The following GMDS variants were observed in gnomAD, a reference collection of about 807,000 sequenced individuals.
GMDS encodes GDP-mannose 4,6-dehydratase.
In GMDS, 20 loss-of-function variants were observed where a neutral mutation model predicts 49.9. The observed-to-expected ratio is 0.40, with a 90% CI of 0.28 to 0.58. GMDS has a LOEUF of 0.58. Ranked by LOEUF, GMDS falls within the 20% of genes least tolerant of loss-of-function variation. GMDS has a pLI of 0.42. For synonymous variants in GMDS, 177 were observed against 178.6 expected, an observed-to-expected ratio of 0.99 and a Z score of 0.07; for missense variants, 362 against 481.4, an observed-to-expected ratio of 0.75 and a Z score of 2.32.
At chr6:1,896,714 T>C (rs1760213781) in intron 7 of GMDS, among the ~76,000 whole-genome samples, 1 of 152,112 alleles carries the variant, frequency 6.6e-6, no homozygotes, top group South Asian at 2.1e-4. Flanking sequence ...AACAAAGGAA[T>C]ACATGGGCAG....
chr6:2,240,601 C>CAAAAAAAAAA (rs57052982), intron 1 of GMDS, among the ~76,000 whole-genome samples: 6 of 84,058 alleles, frequency 7.1e-5, no homozygotes, highest in African/African-American at 1.1e-4. Flanking sequence ...AAGACTGTCT[C>CAAAAAAAAAA]AAAAAAAAAA....
At position 1,782,908 on chromosome 6, in the gene GMDS, C is replaced by A. The variant is rs73409321; in HGVS notation, c.772-40322G>T. Reference sequence around the variant, plus strand: ...GTGGCTCATGCCTGTAATCCCAAAACTTTCGGAGGCTGAGGTGGGAGGATT... The same window carrying A: ...GTGGCTCATGCCTGTAATCCCAAAAATTTCGGAGGCTGAGGTGGGAGGATT... On this transcript the variant is annotated intron_variant, in intron 7 of 10. Transcript: ENST00000380815. Among the ~76,000 whole-genome samples the A allele has an allele frequency of 5.2e-3, 786 of 152,248 alleles. 4 individuals carry two copies. The highest frequency in any genetic ancestry group is 0.018 in the African/African-American group (738 of 41,542).
At position 1,785,715 on chromosome 6, in the gene GMDS, G is replaced by C. The variant is rs532948004; in HGVS notation, c.772-43129C>G. On this transcript the variant is annotated intron_variant, in intron 7 of 10. Transcript: ENST00000380815. ...CCCAGCATCCTCGGCAGGGAAGGAG[G>C]CTCCATCTCCTGATGGGGGTAGCAA... Among the ~76,000 whole-genome samples, 3 of 152,326 alleles carry C rather than the reference G, an allele frequency of 2.0e-5. No homozygotes were observed. In the South Asian group the frequency reaches 6.2e-4, roughly 32 times the overall value.
chr6:1,825,492 C>T (rs1042533121), intron 7 of GMDS, among the ~76,000 whole-genome samples: 9 of 152,184 alleles, frequency 5.9e-5, no homozygotes, highest in Non-Finnish European at 1.3e-4. Context: ...GAAACACATT[C>T]TGAGAAATGT....
In GMDS at chr6:1,969,131, A is replaced by G. The variant is rs571642447; in HGVS notation, c.346-8165T>C. 5.3e-5 allele frequency among the ~76,000 whole-genome samples: 8 copies of G among 151,432 alleles called. No individual in the cohort carries two copies. The East Asian group carries it at 1.4e-3, about 26-fold the overall frequency. On this transcript the variant is annotated intron_variant, in intron 4 of 10. Transcript: ENST00000380815. ...AAAAAAATTAGCTGGGCATGGTGGCAGGTGCCTGTAGTCCCAGCTGCTTGG... is the reference window on the plus strand; with the variant it reads ...AAAAAAATTAGCTGGGCATGGTGGCGGGTGCCTGTAGTCCCAGCTGCTTGG...
intron 9 of GMDS, among the ~76,000 whole-genome samples, chr6:1,636,090 G>A (rs926191236): frequency 1.3e-5 from 2 of 152,206 alleles, no homozygotes; most frequent in African/African-American, 2.4e-5. Flanking sequence ...GATGAGATCC[G>A]CGTGCCACGA....
chr6:1,941,268 A>G (rs1315530715), intron 6 of GMDS, among the ~76,000 whole-genome samples: 2 of 152,138 alleles, frequency 1.3e-5, no homozygotes, highest in African/African-American at 4.8e-5. Flanking sequence ...CTATTTATGT[A>G]TGGATGATAT....
chr6:2,230,177 C>T (rs1234362542), intron 1 of GMDS, among the ~76,000 whole-genome samples: 1 of 152,180 alleles, frequency 6.6e-6, no homozygotes, highest in Non-Finnish European at 1.5e-5. Flanking sequence ...CAAATCCAAA[C>T]GTTAAGCATT....
chr6:2,098,995 A>AT (rs1444486820), intron 4 of GMDS, among the ~76,000 whole-genome samples: 1 of 151,938 alleles, frequency 6.6e-6, no homozygotes, highest in Non-Finnish European at 1.5e-5. Flanking sequence ...ACTTTTAACT[A>AT]TTTTTTTTCT....
intron 1 of GMDS, among the ~76,000 whole-genome samples, chr6:2,209,032 C>T (rs1477812245): frequency 6.6e-6 from 1 of 152,016 alleles, no homozygotes; most frequent in Non-Finnish European, 1.5e-5. Flanking sequence ...GTTTTGGATC[C>T]CCACCTCCTT....
At chr6:1,630,369 C>T (rs1174544942) in intron 9 of GMDS, among the ~76,000 whole-genome samples, 1 of 152,208 alleles carries the variant, frequency 6.6e-6, no homozygotes, top group East Asian at 1.9e-4. Context: ...CCAGACCAGG[C>T]GGTTGCCCTG....
At chr6:2,237,154 A>G (rs994567809) in intron 1 of GMDS, among the ~76,000 whole-genome samples, 2 of 152,226 alleles carry the variant, frequency 1.3e-5, no homozygotes, top group Non-Finnish European at 2.9e-5. Context: ...TCAATTCTAC[A>G]TAAGTAAATG....
rs1450856886 is a variant in GMDS at position 1,939,604 on chromosome 6, CACAT to C, written c.644-9378_644-9375del. On this transcript the variant is annotated intron_variant, in intron 6 of 10. Transcript: ENST00000380815. ...ATATACACACACACACACACATATA[CACAT>C]ACACACACACAGAGTCCATGTTAAA... Among the ~76,000 whole-genome samples, 1,143 of 148,006 alleles carry C rather than the reference CACAT, an allele frequency of 7.7e-3. 3 individuals carry two copies. Among genetic ancestry groups the C allele is most frequent in the East Asian group, 0.016 (83 of 5,034 alleles).
At chr6:1,992,940 A>G (rs7772545) in intron 4 of GMDS, among the ~76,000 whole-genome samples, 100,445 of 152,090 alleles carry the variant, frequency 0.66, 33,464 homozygotes, top group African/African-American at 0.72. Context: ...TGCACTTCCC[A>G]CAAAAAGCAC....
chr6:1,811,053 A>C (rs1196547920), intron 7 of GMDS, among the ~76,000 whole-genome samples: 1 of 152,122 alleles, frequency 6.6e-6, no homozygotes, highest in Non-Finnish European at 1.5e-5. Context: ...AGATTCTGAC[A>C]ACATGAAACA....
intron 7 of GMDS, among the ~76,000 whole-genome samples, chr6:1,768,434 T>C (rs189961368): frequency 6.6e-6 from 1 of 152,334 alleles, no homozygotes; most frequent in East Asian, 1.9e-4. Flanking sequence ...CTACTACCAA[T>C]ATATGACAGA....
intron 6 of GMDS, among the ~76,000 whole-genome samples, chr6:1,936,225 TATC>T (rs1409248774): frequency 1.3e-5 from 2 of 152,154 alleles, no homozygotes; most frequent in Non-Finnish European, 2.9e-5. Flanking sequence ...AAGAATAAAA[TATC>T]ATGCTACAGG....
chr6:2,016,360 G>A (rs1052725585), intron 4 of GMDS, among the ~76,000 whole-genome samples: 1 of 151,824 alleles, frequency 6.6e-6, no homozygotes, highest in African/African-American at 2.4e-5. Flanking sequence ...AAATAAAGGG[G>A]AAGCTATCGC....
intron 4 of GMDS, among the ~76,000 whole-genome samples, chr6:2,106,363 A>G (rs912458801): frequency 6.6e-6 from 1 of 152,212 alleles, no homozygotes; most frequent in Non-Finnish European, 1.5e-5. Flanking sequence ...TTAACAAGGC[A>G]AATTTTATAA....
Sources: gnomAD v4.1 joint callset for allele counts (sites outside exome capture counted in the v4.1 genomes callset) on GRCh38, gnomAD v4.1.1 for gene constraint, MANE v1.5 for transcripts, NCBI Gene and HGNC (gene_info 2026-07-23, HGNC 2026-07-21) for gene names.